The following CDC42BPA variants were observed in gnomAD, a reference collection of about 807,000 sequenced individuals.
The protein encoded by CDC42BPA is serine/threonine-protein kinase MRCK alpha.
CDC42BPA carries 80 observed loss-of-function variants against 223.5 expected under a neutral mutation model. That is an observed-to-expected ratio of 0.36 (90% CI 0.30 to 0.43). The LOEUF (loss-of-function observed/expected upper bound fraction) is 0.43. CDC42BPA is among the 20% of genes least tolerant of loss of function. CDC42BPA has a pLI of 1.00. For synonymous variants in CDC42BPA, 694 were observed against 718.6 expected (o/e 0.97, Z 0.55); for missense variants, 1,743 against 2,099.9 (o/e 0.83, Z 3.32).
intron 4 of CDC42BPA, among the ~76,000 whole-genome samples, chr1:227,198,499 C>CTTAA (rs3065988): frequency 0.84 from 121,171 of 144,056 alleles, 51,318 homozygotes; most frequent in Middle Eastern, 0.91. Flanking sequence ...TTGTAACTAA[C>CTTAA]TTGATTTTAT....
At position 227,317,357 on chromosome 1, in the gene CDC42BPA, T is replaced by C; in HGVS notation, c.-175A>G. 1.7e-6 allele frequency: 1 copy of C among 577,880 alleles called. No homozygotes were observed. The highest frequency in any genetic ancestry group is 2.9e-5 in the East Asian group (1 of 34,368). The allele number at this position is 577,880 out of a possible 1,614,324, so 35.8% of individuals were successfully genotyped here. A position where few individuals can be genotyped will look rare whatever the true frequency, so the allele number is the denominator to read the frequency against. On this transcript the variant is annotated 5_prime_UTR_variant, in exon 1 of 37. Coordinates refer to ENST00000366766, the MANE Select transcript of CDC42BPA (RefSeq NM_001394014.1). ...CAACACACCAGTAACCTCACTTAAC[T>C]GAAGCGTCTTCAATTTCACCCATAT...
chr1:226,996,274 G>A (rs1236779578), intron 35 of CDC42BPA, among the ~76,000 whole-genome samples: 2 of 152,186 alleles, frequency 1.3e-5, no homozygotes, highest in African/African-American at 4.8e-5. Context: ...CAGAGTTTCT[G>A]ACTTAACTTT....
chr1:227,238,189 ATT>A (rs34346129), intron 2 of CDC42BPA, among the ~76,000 whole-genome samples: 13 of 147,734 alleles, frequency 8.8e-5, no homozygotes, highest in South Asian at 2.2e-4. Flanking sequence ...CCCCATCTCT[ATT>A]TTTTTTTTTA....
intron 2 of CDC42BPA, among the ~76,000 whole-genome samples, chr1:227,232,258 G>A (rs1038714702): frequency 6.6e-6 from 1 of 152,074 alleles, no homozygotes; most frequent in Non-Finnish European, 1.5e-5. Flanking sequence ...CCCATTTCTT[G>A]TTTTTGTCCG....
At position 226,994,187 on chromosome 1, in the gene CDC42BPA, G is replaced by A. The variant is rs1661101440; in HGVS notation, c.*81C>T. 2 of 1,423,344 alleles carry A rather than the reference G, an allele frequency of 1.4e-6. No individual in the cohort carries two copies. Among genetic ancestry groups the A allele is most frequent in the Admixed American group, 2.1e-5 (1 of 47,968 alleles). 88.2% of individuals were successfully genotyped at this position (1,423,344 alleles called of 1,614,324 possible). On this transcript the variant is annotated 3_prime_UTR_variant, in exon 37 of 37. Transcript: ENST00000366766. This position sits in a 1 kb window ranked among gnomAD's most constrained non-coding sequence, Gnocchi z 4.0. ...CCCTGGTGGCTTTCAGGCCGAGCAG[G>A]CGAGGTGGAGGGAAGAGATGAAAGT...
intron 5 of CDC42BPA, among the ~76,000 whole-genome samples, chr1:227,165,637 AGAGAATGCAGG>A (rs1664907073): frequency 6.6e-6 from 1 of 152,216 alleles, no homozygotes; most frequent in African/African-American, 2.4e-5. Context: ...AAGTATAGTG[AGAGAATGCAGG>A]GAGGAAAAGT....
chr1:227,062,180 A>C (rs899813570), intron 21 of CDC42BPA, among the ~76,000 whole-genome samples: 2 of 152,098 alleles, frequency 1.3e-5, no homozygotes, highest in African/African-American at 2.4e-5. Context: ...TTTGTTTGCC[A>C]AGCAAGGGAC....
intron 26 of CDC42BPA, among the ~76,000 whole-genome samples, chr1:227,034,012 T>G (rs575656547): frequency 6.6e-6 from 1 of 152,202 alleles, no homozygotes; most frequent in Non-Finnish European, 1.5e-5. Flanking sequence ...GGGAAGATAA[T>G]GCGTTTGAGA....
chr1:227,146,078 T>C (rs191613443), intron 7 of CDC42BPA, among the ~76,000 whole-genome samples: 68 of 152,262 alleles, frequency 4.5e-4, no homozygotes, highest in African/African-American at 1.6e-3. Flanking sequence ...ATAATGGTCA[T>C]ATAAGTTACA....
At chr1:227,265,107 T>C (rs1684761208) in intron 1 of CDC42BPA, 1 of 771,558 alleles carries the variant, frequency 1.3e-6, no homozygotes, top group African/African-American at 1.7e-5. Context: ...CAGTACCAAA[T>C]TTTAACAGAA....
chr1:227,242,660 G>C (rs1255494802), intron 2 of CDC42BPA, among the ~76,000 whole-genome samples: 1 of 151,572 alleles, frequency 6.6e-6, no homozygotes, highest in African/African-American at 2.4e-5. Context: ...AAAAACATCA[G>C]ACTCAAAAAA....
chr1:227,044,045 T>C (rs1422024928), intron 23 of CDC42BPA, among the ~76,000 whole-genome samples: 1 of 152,160 alleles, frequency 6.6e-6, no homozygotes, highest in Non-Finnish European at 1.5e-5. Context: ...TGATTTTGAA[T>C]AGAAAGTGAT....
chr1:227,088,973 G>A (rs990843234), intron 16 of CDC42BPA, among the ~76,000 whole-genome samples: 29 of 152,090 alleles, frequency 1.9e-4, no homozygotes, highest in African/African-American at 6.8e-4. Flanking sequence ...CGATCTGCCC[G>A]CCTCGGACTC....
chr1:227,131,126 A>G (rs778600233), intron 10 of CDC42BPA, among the ~76,000 whole-genome samples: 1 of 150,734 alleles, frequency 6.6e-6, no homozygotes, highest in Non-Finnish European at 1.5e-5. Context: ...TCTTCTTATT[A>G]TTCTTAGTAA....
chr1:227,043,850 G>A (rs1012597282), intron 23 of CDC42BPA, among the ~76,000 whole-genome samples: 3 of 152,094 alleles, frequency 2.0e-5, no homozygotes, highest in Admixed American at 6.5e-5. Context: ...GAATCTGTAT[G>A]GAGGTTTTTG....
chr1:227,101,733 G>C (rs1685089507), intron 14 of CDC42BPA, among the ~76,000 whole-genome samples: 1 of 152,090 alleles, frequency 6.6e-6, no homozygotes, highest in Non-Finnish European at 1.5e-5. Flanking sequence ...AGTCCTGTGA[G>C]AAATGGCAAA....
intron 1 of CDC42BPA, among the ~76,000 whole-genome samples, chr1:227,297,496 G>C (rs1456631376): frequency 6.6e-6 from 1 of 152,126 alleles, no homozygotes; most frequent in African/African-American, 2.4e-5. Context: ...AATGTTCACT[G>C]CAGCATTATT....
At chr1:227,049,970 C>T (rs1184796434) in intron 22 of CDC42BPA, among the ~76,000 whole-genome samples, 1 of 151,750 alleles carries the variant, frequency 6.6e-6, no homozygotes, top group Non-Finnish European at 1.5e-5. Flanking sequence ...TTTAAAAAGA[C>T]ATAAAAAGCA....
chr1:227,260,600 C>A (rs1328274070), intron 1 of CDC42BPA, among the ~76,000 whole-genome samples: 8 of 150,956 alleles, frequency 5.3e-5, no homozygotes, highest in Admixed American at 5.3e-4. Context: ...AAGGCAGAGG[C>A]ATAAGTGAGA....
Sources: allele counts gnomAD v4.1 joint callset (sites outside exome capture counted in the v4.1 genomes callset), GRCh38; gene constraint gnomAD v4.1.1; non-coding constraint Gnocchi (gnomAD v3.1); transcripts MANE v1.5; gene names NCBI Gene and HGNC (gene_info 2026-07-23, HGNC 2026-07-21).